Variants in MEI4 observed in about 807,000 individuals in gnomAD.
The protein encoded by MEI4 is meiosis-specific protein MEI4.
In MEI4, 27 loss-of-function variants were observed where a neutral mutation model predicts 31.4. The ratio of observed to expected loss-of-function variants is 0.86; its 90% CI spans 0.63 to 1.19. MEI4 has a LOEUF of 1.19. Among genes scored for constraint, MEI4 ranks in the 50% most tolerant of loss-of-function variants. MEI4 has a pLI of 0.00. For missense variants in MEI4, 329 were observed against 398.9 expected, an observed-to-expected ratio of 0.82 and a Z score of 1.49; for synonymous variants, 122 against 145.4, an observed-to-expected ratio of 0.84 and a Z score of 1.16.
At chr6:77,894,176 T>G (rs1404905810) in intron 4 of MEI4, among the ~76,000 whole-genome samples, 1 of 152,152 alleles carries the variant, frequency 6.6e-6, no homozygotes, top group Non-Finnish European at 1.5e-5. Flanking sequence ...TGTGACAAAG[T>G]GTTTGAAATA....
intron 3 of MEI4, among the ~76,000 whole-genome samples, chr6:77,804,145 G>T (rs1408252502): frequency 1.3e-5 from 2 of 152,158 alleles, no homozygotes; most frequent in Non-Finnish European, 2.9e-5. Context: ...TGGTGGCTTT[G>T]TTTACCTACT....
chr6:77,745,489 A>G (rs1359280453), intron 2 of MEI4, among the ~76,000 whole-genome samples: 1 of 152,216 alleles, frequency 6.6e-6, no homozygotes, highest in African/African-American at 2.4e-5. Flanking sequence ...AGTAACCTAC[A>G]TAGAGACTTA....
intron 2 of MEI4, among the ~76,000 whole-genome samples, chr6:77,699,751 G>C (rs939991729): frequency 6.6e-6 from 1 of 152,108 alleles, no homozygotes; most frequent in African/African-American, 2.4e-5. Context: ...GTACAGATGG[G>C]TTTTTGGTGT....
chr6:77,915,004 A>G (rs763368042), intron 4 of MEI4, among the ~76,000 whole-genome samples: 7 of 152,024 alleles, frequency 4.6e-5, no homozygotes, highest in Non-Finnish European at 2.9e-5. Flanking sequence ...TTTTAAATCC[A>G]TTCAGCTGAT....
chr6:77,758,604 G>C (rs1352661113), intron 2 of MEI4, among the ~76,000 whole-genome samples: 1 of 152,076 alleles, frequency 6.6e-6, no homozygotes, highest in East Asian at 1.9e-4. Context: ...TATGCCAATA[G>C]TAGTTCTGCA....
At chr6:77,922,934 T>TTTTA (rs919258875) in intron 4 of MEI4, among the ~76,000 whole-genome samples, 155 bp from the exon 5 acceptor site, 3 of 151,764 alleles carry the variant, frequency 2.0e-5, no homozygotes, top group African/African-American at 7.2e-5. Context: ...AGGAAATGTT[T>TTTTA]TTTATTTCCC....
At chr6:77,757,884 G>A (rs573274481) in intron 2 of MEI4, among the ~76,000 whole-genome samples, 2 of 152,208 alleles carry the variant, frequency 1.3e-5, no homozygotes, top group South Asian at 2.1e-4. Flanking sequence ...TAGGACAGGC[G>A]TGGTGGCTCA....
At chr6:77,897,831 C>A (rs1351929129) in intron 4 of MEI4, among the ~76,000 whole-genome samples, 2 of 151,796 alleles carry the variant, frequency 1.3e-5, no homozygotes, top group Non-Finnish European at 2.9e-5. Context: ...CCCTTTGTAC[C>A]CTGCCTTACA....
intron 1 of MEI4, among the ~76,000 whole-genome samples, chr6:77,680,245 C>T (rs1390584861): frequency 6.6e-6 from 1 of 151,238 alleles, no homozygotes; most frequent in Non-Finnish European, 1.5e-5. Flanking sequence ...CACCACCGCA[C>T]TCTAGCCTGG....
intron 4 of MEI4, among the ~76,000 whole-genome samples, chr6:77,906,284 T>C (rs1445404964): frequency 6.6e-6 from 1 of 152,194 alleles, no homozygotes; most frequent in Non-Finnish European, 1.5e-5. Context: ...GCACATTTGG[T>C]GGAGAAGTCA....
intron 4 of MEI4, among the ~76,000 whole-genome samples, chr6:77,877,575 A>G (rs1229716323): frequency 6.6e-6 from 1 of 152,098 alleles, no homozygotes; most frequent in Non-Finnish European, 1.5e-5. Flanking sequence ...ACAAACTTGA[A>G]TAACAATCTT....
At chr6:77,785,909 C>G (rs1460220813) in intron 3 of MEI4, among the ~76,000 whole-genome samples, 1 of 152,018 alleles carries the variant, frequency 6.6e-6, no homozygotes, top group African/African-American at 2.4e-5. Context: ...CTAGATTGCT[C>G]CCATCAGATT....
intron 2 of MEI4, among the ~76,000 whole-genome samples, chr6:77,727,689 A>T (rs1295773491): frequency 6.6e-6 from 1 of 152,228 alleles, no homozygotes; most frequent in East Asian, 1.9e-4. Context: ...AGTTTTTGAT[A>T]GCTTTTAAAC....
intron 1 of MEI4, among the ~76,000 whole-genome samples, chr6:77,674,141 G>A (rs1768798149): frequency 6.6e-6 from 1 of 152,158 alleles, no homozygotes; most frequent in Non-Finnish European, 1.5e-5. Context: ...AACATTCACA[G>A]TAAATACTTC....
intron 4 of MEI4, among the ~76,000 whole-genome samples, chr6:77,839,311 A>G (rs1770300454): frequency 6.6e-6 from 1 of 152,192 alleles, no homozygotes; most frequent in Non-Finnish European, 1.5e-5. Flanking sequence ...AAGAAAAAGT[A>G]GGTAAAGAGA....
At chr6:77,777,186 A>T (rs1460432984) in intron 3 of MEI4, among the ~76,000 whole-genome samples, 1 of 152,176 alleles carries the variant, frequency 6.6e-6, no homozygotes, top group Non-Finnish European at 1.5e-5. Context: ...CTGCAACAGT[A>T]AAAAACTATT....
intron 3 of MEI4, among the ~76,000 whole-genome samples, chr6:77,823,022 A>C (rs766760678): frequency 2.6e-5 from 4 of 152,138 alleles, no homozygotes; most frequent in Non-Finnish European, 5.9e-5. Context: ...GACATTCAAT[A>C]TTTGCTGTAA....
At chr6:77,757,954 G>A (rs9448204) in intron 2 of MEI4, among the ~76,000 whole-genome samples, 3,401 of 151,960 alleles carry the variant, frequency 0.022, 131 homozygotes, top group African/African-American at 0.078. Flanking sequence ...TCAAGAGATC[G>A]AGACCATCCT....
chr6:77,734,797 G>T (rs541008416), intron 2 of MEI4, among the ~76,000 whole-genome samples: 3 of 151,576 alleles, frequency 2.0e-5, no homozygotes, highest in Admixed American at 6.6e-5. Context: ...CGTGTTTAGC[G>T]CTTCCTTCAG....
Sources: gnomAD v4.1 joint callset for allele counts (sites outside exome capture counted in the v4.1 genomes callset) on GRCh38, gnomAD v4.1.1 for gene constraint, MANE v1.5 for transcripts, NCBI Gene and HGNC (gene_info 2026-07-23, HGNC 2026-07-21) for gene names.